CSNK1E: variants seen among roughly 807,000 people sequenced by gnomAD.
CSNK1E encodes the protein casein kinase I isoform epsilon.
Under a neutral mutation model 46.1 loss-of-function variants are expected in CSNK1E, and 17 were observed. That is an observed-to-expected ratio of 0.37 (90% CI 0.25 to 0.55). The LOEUF (loss-of-function observed/expected upper bound fraction) is 0.55. Ranked by LOEUF, CSNK1E falls within the 20% of genes least tolerant of loss-of-function variation. The pLI, the probability that CSNK1E is intolerant of heterozygous loss-of-function variation, is 0.82. For missense variants in CSNK1E, 386 were observed against 595.4 expected, an observed-to-expected ratio of 0.65 and a Z score of 3.66; for synonymous variants, 241 against 242.6, an observed-to-expected ratio of 0.99 and a Z score of 0.06.
rs184868987 is a variant in CSNK1E, at chr22:38,302,745, G to A, written c.336+116C>T. On this transcript the variant is annotated intron_variant, in intron 4 of 10. Transcript: ENST00000396832. ...ATAAACACCTACAATTCTATAGCCA[G>A]TGGACAAGGTCCCCTGGCCCAGGCC... is the stretch of plus-strand genomic sequence containing the variant. The A allele has an allele frequency of 2.8e-5, 34 of 1,211,158 alleles. No individual in the cohort carries two copies. The African/African-American group carries it at 4.9e-4, about 17-fold the overall frequency. The allele number at this position is 1,211,158 out of a possible 1,614,324, so 75.0% of individuals were successfully genotyped here.
At chr22:38,302,690 G>A (rs529391755) in intron 4 of CSNK1E, among the ~76,000 whole-genome samples, 171 bp downstream of exon 4, 3 of 152,220 alleles carry the variant, frequency 2.0e-5, no homozygotes, top group African/African-American at 7.2e-5. Context: ...CAGCCTGGGC[G>A]ACAGAGTGAG....
chr22:38,312,018 G>A (rs1238347181), intron 2 of CSNK1E, among the ~76,000 whole-genome samples: 1 of 152,146 alleles, frequency 6.6e-6, no homozygotes, highest in Non-Finnish European at 1.5e-5. Context: ...TGGCCAGGCT[G>A]GTCTCGAACT....
At chr22:38,295,381 C>G (rs760029415) in intron 7 of CSNK1E, 1 of 983,190 alleles carries the variant, frequency 1.0e-6, no homozygotes, top group Non-Finnish European at 1.2e-6. Context: ...CGCCCGACTG[C>G]GTTACCTAGT....
rs563345306 is a variant in CSNK1E, at chr22:38,310,894, G to A, written c.76+3188C>T. Among the ~76,000 whole-genome samples, 3 of 152,354 alleles carry A rather than the reference G, an allele frequency of 2.0e-5. No individual in the cohort carries two copies. The East Asian group carries it at 5.8e-4, about 29-fold the overall frequency. On this transcript the variant is annotated intron_variant, in intron 2 of 10. Coordinates refer to ENST00000396832, the MANE Select transcript of CSNK1E (RefSeq NM_152221.3). ...CTGGGGATAAGAATGTGGCCAGAGTGTTGAATAAATGGAGCCAGCAAGGCT... is the reference window on the plus strand; with the variant it reads ...CTGGGGATAAGAATGTGGCCAGAGTATTGAATAAATGGAGCCAGCAAGGCT...
chr22:38,296,067 G>C (rs1446903560), intron 7 of CSNK1E: 3 of 687,160 alleles, frequency 4.4e-6, no homozygotes, highest in South Asian at 6.5e-5. Flanking sequence ...GAGCCCTGCA[G>C]CCAGCAGCCA....
In CSNK1E at chr22:38,309,603, C is replaced by T. The variant is rs149884903; in HGVS notation, c.76+4479G>A. Among the ~76,000 whole-genome samples, 900 of 152,172 alleles carry T rather than the reference C, an allele frequency of 5.9e-3. 16 individuals carry two copies. Among genetic ancestry groups the T allele is most frequent in the African/African-American group, 0.021 (882 of 41,500 alleles). On this transcript the variant is annotated intron_variant, in intron 2 of 10. Transcript: ENST00000396832. The surrounding 1 kb of genome is among the most constrained non-coding windows in gnomAD (Gnocchi z 4.8). ...CCGAGTAACTGGGATTACAAGCAGA[C>T]ACCACCACGCCTGGCTAATTTTTGT...
At chr22:38,301,039 A>T in intron 4 of CSNK1E, 87 bp from the exon 5 acceptor site, 1 of 1,140,098 alleles carries the variant, frequency 8.8e-7, no homozygotes, top group South Asian at 1.3e-5. Context: ...CAGAGGTGGA[A>T]AGGCAGAGGG....
chr22:38,314,476 C>T (rs2092734818), intron 1 of CSNK1E, among the ~76,000 whole-genome samples: 1 of 152,174 alleles, frequency 6.6e-6, no homozygotes, highest in African/African-American at 2.4e-5. Context: ...AGCCCTCTTA[C>T]ACCTCCTACC....
chr22:38,300,551 C>T lies in CSNK1E; in HGVS notation c.565+173G>A, dbSNP rs1030760913. On this transcript the variant is annotated intron_variant, in intron 5 of 10. Transcript: ENST00000396832. The surrounding 1 kb of genome is among the most constrained non-coding windows in gnomAD (Gnocchi z 4.4). ...AGCTTGGCTTACGAAGGGGAAGACC[C>T]GACTGTGCAAGGACACGGAATAAGC... Among the ~76,000 whole-genome samples, 1 of 152,190 alleles carries T rather than the reference C, an allele frequency of 6.6e-6. No homozygotes were observed. Among genetic ancestry groups the T allele is most frequent in the Non-Finnish European group, 1.5e-5 (1 of 68,034 alleles).
At chr22:38,317,930 G>C (rs1159692698), upstream of CSNK1E, 1 of 152,268 alleles carries the variant, frequency 6.6e-6, no homozygotes, top group Admixed American at 6.5e-5. Context: ...CAAGAGATTT[G>C]AGGAGACAGC....
In CSNK1E at chr22:38,314,374, CA is replaced by C. The variant is rs374582268; in HGVS notation, c.-12-206del. 5.0e-3 allele frequency among the ~76,000 whole-genome samples: 754 copies of C among 152,280 alleles called. 9 individuals are homozygous for C. The highest frequency in any genetic ancestry group is 0.017 in the African/African-American group (724 of 41,552). On this transcript the variant is annotated intron_variant, in intron 1 of 10. Transcript: ENST00000396832. ...GGCTGAGGACAGGTTTCAGTGTGGC[CA>C]GAGAGGAAGCAGCCAAGCAAGCATG...
chr22:38,292,981 G>A, intron 10 of CSNK1E: 5 of 488,594 alleles, frequency 1.0e-5, no homozygotes, highest in Non-Finnish European at 1.8e-5. Context: ...TGTTAAGGCA[G>A]AAGGAGATAG....
chr22:38,296,183 G>C (rs1369667801), intron 7 of CSNK1E: 1 of 1,016,416 alleles, frequency 9.8e-7, no homozygotes, highest in Non-Finnish European at 1.2e-6. Context: ...CCAACCCATA[G>C]GACGCAAGAA....
chr22:38,300,154 A>G lies in CSNK1E; in HGVS notation c.566-89T>C. On this transcript the variant is annotated intron_variant, in intron 5 of 10. Transcript: ENST00000396832. This position sits in a 1 kb window ranked among gnomAD's most constrained non-coding sequence, Gnocchi z 4.4. ...TGGGTCATGCTCCTCACAATGCACCAGGACCCTCCTGCCCCCACGTCGGAT... is the reference window on the plus strand; with the variant it reads ...TGGGTCATGCTCCTCACAATGCACCGGGACCCTCCTGCCCCCACGTCGGAT... The G allele has an allele frequency of 1.5e-6, 2 of 1,291,908 alleles. No individual in the cohort carries two copies. The allele number at this position is 1,291,908 out of a possible 1,614,324, so 80.0% of individuals were successfully genotyped here. A position where few individuals can be genotyped will look rare whatever the true frequency, so the allele number is the denominator to read the frequency against.
chr22:38,298,499 A>G lies in CSNK1E; in HGVS notation c.885+287T>C. 7 of 433,472 alleles carry G rather than the reference A, an allele frequency of 1.6e-5. No homozygotes were observed. The highest frequency in any genetic ancestry group is 1.5e-4 in the South Asian group (7 of 47,544). 26.9% of individuals were successfully genotyped at this position (433,472 alleles called of 1,614,324 possible). A position where few individuals can be genotyped will look rare whatever the true frequency, so the allele number is the denominator to read the frequency against. Reference sequence around the variant, plus strand: ...GGCAGCAGGGGGCGCCGCCAGCACCACCCATGCCCTGCTGCGGGCACCCAG... The same window carrying G: ...GGCAGCAGGGGGCGCCGCCAGCACCGCCCATGCCCTGCTGCGGGCACCCAG... On this transcript the variant is annotated intron_variant, in intron 7 of 10. Transcript: ENST00000396832. This position sits in a 1 kb window ranked among gnomAD's most constrained non-coding sequence, Gnocchi z 4.2.
intron 2 of CSNK1E, among the ~76,000 whole-genome samples, chr22:38,305,257 GTTCCCAGGGAGGGAC>G (rs2145842061): frequency 6.6e-6 from 1 of 152,036 alleles, no homozygotes; most frequent in African/African-American, 2.4e-5. Flanking sequence ...TCAGACGGTG[GTTCCCAGGGAGGGAC>G]ACCTTAGGCC....
At chr22:38,299,388 CA>C (rs1256053642) in intron 6 of CSNK1E, among the ~76,000 whole-genome samples, 5 of 152,194 alleles carry the variant, frequency 3.3e-5, no homozygotes, top group Non-Finnish European at 7.3e-5. Context: ...GGAGATGAGG[CA>C]GGAATGTAGG....
At position 38,300,156 on chromosome 22, in the gene CSNK1E, G is replaced by A. The variant is rs2145835134; in HGVS notation, c.566-91C>T. On this transcript the variant is annotated intron_variant, in intron 5 of 10. Transcript: ENST00000396832. This position sits in a 1 kb window ranked among gnomAD's most constrained non-coding sequence, Gnocchi z 4.4. ...GGTCATGCTCCTCACAATGCACCAG[G>A]ACCCTCCTGCCCCCACGTCGGATGT... The A allele has an allele frequency of 1.4e-5, 18 of 1,260,310 alleles. No homozygotes were observed. Among genetic ancestry groups the A allele is most frequent in the Non-Finnish European group, 2.0e-5 (18 of 904,990 alleles). 78.1% of individuals were successfully genotyped at this position (1,260,310 alleles called of 1,614,324 possible). A position where few individuals can be genotyped will look rare whatever the true frequency, so the allele number is the denominator to read the frequency against.
chr22:38,304,920 G>A (rs968204160), intron 2 of CSNK1E, among the ~76,000 whole-genome samples: 3 of 151,962 alleles, frequency 2.0e-5, no homozygotes, highest in Non-Finnish European at 2.9e-5. Context: ...TCAGGAGTCC[G>A]AGACCAGCCC....
Sources: allele counts gnomAD v4.1 joint callset (sites outside exome capture counted in the v4.1 genomes callset), GRCh38; gene constraint gnomAD v4.1.1; non-coding constraint Gnocchi (gnomAD v3.1); transcripts MANE v1.5; gene names NCBI Gene and HGNC (gene_info 2026-07-23, HGNC 2026-07-21).